Variants in TRIM14 observed in about 807,000 individuals in gnomAD.
The protein encoded by TRIM14 is tripartite motif-containing protein 14.
Under a neutral mutation model 44.5 loss-of-function variants are expected in TRIM14, and 28 were observed. The observed-to-expected ratio is 0.63, with a 90% CI of 0.47 to 0.86. The LOEUF (loss-of-function observed/expected upper bound fraction) is 0.86, where lower values mean the gene tolerates loss of function less well. TRIM14 is among the 40% of genes least tolerant of loss of function. The pLI is 0.00. For missense variants in TRIM14, 607 were observed against 611.1 expected (o/e 0.99, Z 0.07); for synonymous variants, 299 against 269.2 (o/e 1.11, Z -1.08).
At chr9:98,114,207 G>A (rs1826961598) in intron 1 of TRIM14, among the ~76,000 whole-genome samples, 2 of 152,128 alleles carry the variant, frequency 1.3e-5, no homozygotes, top group African/African-American at 4.8e-5. Context: ...ATATGTCTTG[G>A]TATATGTTAT....
intron 1 of TRIM14, among the ~76,000 whole-genome samples, chr9:98,114,240 T>C (rs1414350453): frequency 6.6e-6 from 1 of 152,260 alleles, no homozygotes; most frequent in African/African-American, 2.4e-5. Context: ...ATCATAATTA[T>C]TATGATAAAC....
rs375322066 is a variant in TRIM14 at position 98,104,786 on chromosome 9, A to T, written c.304-4622T>A. On this transcript the variant is annotated intron_variant, in intron 2 of 5. Coordinates refer to ENST00000341469, the MANE Select transcript of TRIM14 (RefSeq NM_014788.4). ...GTCAGGGAAGGCTGGGGGATTTTGC[A>T]CTCAGAGTGTGGGCTGCTGTGTGAA... Among the ~76,000 whole-genome samples, 12 of 152,286 alleles carry T rather than the reference A, an allele frequency of 7.9e-5. No individual in the cohort carries two copies. In the East Asian group the frequency reaches 1.4e-3, roughly 17 times the overall value.
chr9:98,091,326 A>G (rs1035598638), intron 5 of TRIM14, among the ~76,000 whole-genome samples: 2 of 152,178 alleles, frequency 1.3e-5, no homozygotes, highest in Admixed American at 6.5e-5. Flanking sequence ...GCATGGTGGC[A>G]CACACTGATA....
At position 98,085,744 on chromosome 9, in the gene TRIM14, C is replaced by G. The variant is rs926593371; in HGVS notation, c.*1726G>C. On this transcript the variant is annotated 3_prime_UTR_variant, in exon 6 of 6. Transcript: ENST00000341469. ...AAGGTGTTTGCAAGGTTCTGTCTGC[C>G]TGGTATTCTGCTACATTGTCTCATA... is the stretch of plus-strand genomic sequence containing the variant. 2 of 152,118 alleles carry G rather than the reference C, an allele frequency of 1.3e-5. No individual in the cohort carries two copies. The highest frequency in any genetic ancestry group is 4.8e-5 in the African/African-American group (2 of 41,400). 9.4% of individuals were successfully genotyped at this position (152,118 alleles called of 1,614,324 possible). A position where few individuals can be genotyped will look rare whatever the true frequency, so the allele number is the denominator to read the frequency against.
intron 1 of TRIM14, among the ~76,000 whole-genome samples, chr9:98,113,221 T>C (rs1342215929): frequency 6.6e-6 from 1 of 152,140 alleles, no homozygotes; most frequent in African/African-American, 2.4e-5. Context: ...TGGGCTCCTG[T>C]GTTGGAACAA....
downstream of TRIM14, chr9:98,082,917 G>C (rs996782498): frequency 1.2e-6 from 2 of 1,614,116 alleles, no homozygotes; most frequent in African/African-American, 2.7e-5. Flanking sequence ...TGCTCACCGT[G>C]AAGGTGGGTG....
chr9:98,059,144 C>T, the TRIM14 span, among the ~76,000 whole-genome samples: 22 of 152,060 alleles, frequency 1.4e-4, no homozygotes, highest in Non-Finnish European at 2.9e-4. Flanking sequence ...CTGTCTCAGC[C>T]TCCCGAGTAG....
chr9:98,059,245 G>A, the TRIM14 span, among the ~76,000 whole-genome samples: 27 of 152,068 alleles, frequency 1.8e-4, no homozygotes, highest in African/African-American at 4.6e-4. Flanking sequence ...GGATGGTCTC[G>A]ATCTCCTGAC....
At chr9:98,082,736 T>A (rs544737359), downstream of TRIM14, 513 of 991,076 alleles carry the variant, frequency 5.2e-4, 1 homozygote, top group Admixed American at 7.0e-4. Context: ...GAGTGCCTGC[T>A]CCCAAGGTAC....
intron 4 of TRIM14, among the ~76,000 whole-genome samples, chr9:98,093,048 C>T (rs1227076207): frequency 6.6e-6 from 1 of 152,224 alleles, no homozygotes; most frequent in East Asian, 1.9e-4. Flanking sequence ...GGCGATACCA[C>T]CACATGGGAA....
At chr9:98,039,060 CA>C in the TRIM14 span, among the ~76,000 whole-genome samples, 13 of 151,236 alleles carry the variant, frequency 8.6e-5, no homozygotes, top group Non-Finnish European at 1.3e-4. Context: ...AAAAAAAAAC[CA>C]AAAAAAACCT....
intron 3 of TRIM14, among the ~76,000 whole-genome samples, chr9:98,097,151 G>A (rs528431358): frequency 6.6e-6 from 1 of 152,252 alleles, no homozygotes; most frequent in South Asian, 2.1e-4. Context: ...CTGAGATTGA[G>A]CCACTGCATT....
intron 6 of TRIM14, among the ~76,000 whole-genome samples, chr9:98,073,157 C>G (rs897721471): frequency 6.6e-5 from 10 of 152,034 alleles, no homozygotes; most frequent in African/African-American, 2.4e-4. Flanking sequence ...CCAGCACCTG[C>G]CTCTGTCCTA....
intron 1 of TRIM14, among the ~76,000 whole-genome samples, chr9:98,111,167 A>G (rs1300710222): frequency 6.6e-6 from 1 of 152,180 alleles, no homozygotes; most frequent in African/African-American, 2.4e-5. Flanking sequence ...CCCAAAATAT[A>G]TGCTGAATAG....
intron 6 of TRIM14, among the ~76,000 whole-genome samples, chr9:98,074,176 A>T (rs543871630): frequency 1.3e-5 from 2 of 152,328 alleles, no homozygotes; most frequent in South Asian, 4.1e-4. Flanking sequence ...CTAAGAAGGC[A>T]TTAAGGCAGG....
intron 6 of TRIM14, chr9:98,076,182 C>T (rs1829583121): frequency 6.6e-6 from 1 of 152,144 alleles, no homozygotes; most frequent in Admixed American, 6.5e-5. Flanking sequence ...CCATTTTCCC[C>T]CTTTCGCCAA....
intron 4 of TRIM14, chr9:98,092,432 C>A (rs1023591387): frequency 6.0e-6 from 2 of 335,566 alleles, no homozygotes; most frequent in Admixed American, 3.7e-5. Flanking sequence ...ACAGCCCCCC[C>A]ACACCCTTCC....
chr9:98,094,745 C>T (rs946174406), intron 4 of TRIM14, 122 bp downstream of exon 4: 17 of 1,215,276 alleles, frequency 1.4e-5, no homozygotes, highest in African/African-American at 7.6e-5. Context: ...AGCCCCTGAC[C>T]GCCCAGCCAA....
chr9:98,055,894 C>T, the TRIM14 span, among the ~76,000 whole-genome samples: 8 of 151,990 alleles, frequency 5.3e-5, no homozygotes, highest in Non-Finnish European at 4.4e-5. Context: ...CGCACCACCA[C>T]GCCCGGCTAA....
Sources: allele counts gnomAD v4.1 joint callset (sites outside exome capture counted in the v4.1 genomes callset), GRCh38; gene constraint gnomAD v4.1.1; transcripts MANE v1.5; gene names NCBI Gene and HGNC (gene_info 2026-07-23, HGNC 2026-07-21).